The following ZNF667 variants were observed in gnomAD, a reference collection of about 807,000 sequenced individuals.
ZNF667 encodes myocardial ischemic preconditioning upregulated 1 ortholog.
ZNF667 carries 13 observed loss-of-function variants against 31.8 expected under a neutral mutation model. That is an observed-to-expected ratio of 0.41 (90% CI 0.27 to 0.65). The LOEUF is 0.65. ZNF667 is among the 30% of genes least tolerant of loss of function. The probability of loss-of-function intolerance (pLI) is 0.32; values close to 1 mark genes in which losing one functional copy is unlikely to be tolerated. For synonymous variants in ZNF667, 228 were observed against 247.1 expected, an observed-to-expected ratio of 0.92 and a Z score of 0.73; for missense variants, 642 against 725.6, an observed-to-expected ratio of 0.88 and a Z score of 1.32.
chr19:56,470,177 G>A (rs906208616), intron 3 of ZNF667: 1 of 379,380 alleles, frequency 2.6e-6, no homozygotes, highest in Non-Finnish European at 5.3e-6. Context: ...ATATCAGTCA[G>A]TGCTCCGTTA....
Position 56,440,640 on chromosome 19 carries a change from ATTTT to A in ZNF667, c.*518_*521del. 1 of 834,090 alleles carries A rather than the reference ATTTT, an allele frequency of 1.2e-6. No individual in the cohort carries two copies. Among genetic ancestry groups the A allele is most frequent in the Non-Finnish European group, 1.4e-6 (1 of 695,608 alleles). 51.7% of individuals were successfully genotyped at this position (834,090 alleles called of 1,614,324 possible). A position where few individuals can be genotyped will look rare whatever the true frequency, so the allele number is the denominator to read the frequency against. ...CTATGCTGGAAGTAAAATATCGGTA[ATTTT>A]TTTTTTTTTTGACACAGAGTCTTGC... On this transcript the variant is annotated 3_prime_UTR_variant, in exon 7 of 7. Coordinates refer to ENST00000504904, the MANE Select transcript of ZNF667 (RefSeq NM_001321356.2).
At chr19:56,443,303 A>T (rs938270370) in intron 6 of ZNF667, among the ~76,000 whole-genome samples, 1 of 152,224 alleles carries the variant, frequency 6.6e-6, no homozygotes, top group African/African-American at 2.4e-5. Context: ...TATTCTTAAG[A>T]TCAAATTTAA....
At chr19:56,448,427 G>A (rs2042750200) in intron 6 of ZNF667, among the ~76,000 whole-genome samples, 1 of 152,066 alleles carries the variant, frequency 6.6e-6, no homozygotes, top group South Asian at 2.1e-4. Flanking sequence ...GCAATTCCTG[G>A]GCAAATCCTA....
rs1290624836 is a variant in ZNF667 at position 56,477,333 on chromosome 19, C to G, written c.-723G>C. On this transcript the variant is annotated 5_prime_UTR_variant, in exon 1 of 7. Transcript: ENST00000504904. ...CCGAGACAGCCGAGCAGGGACTCAG[C>G]GCCTGCGCACTCCCCTCCGGGACCC... 2 of 152,194 alleles carry G rather than the reference C, an allele frequency of 1.3e-5. No individual in the cohort carries two copies. The highest frequency in any genetic ancestry group is 4.8e-5 in the African/African-American group (2 of 41,462). The allele number at this position is 152,194 out of a possible 1,614,324, so 9.4% of individuals were successfully genotyped here.
chr19:56,446,791 C>CT (rs2042718142), intron 6 of ZNF667, among the ~76,000 whole-genome samples: 1 of 152,076 alleles, frequency 6.6e-6, no homozygotes, highest in African/African-American at 2.4e-5. Flanking sequence ...ACAAGAAACC[C>CT]AAGATTCCTC....
intron 6 of ZNF667, among the ~76,000 whole-genome samples, chr19:56,454,557 A>G (rs948550440): frequency 1.3e-5 from 2 of 151,788 alleles, no homozygotes; most frequent in Admixed American, 6.6e-5. Context: ...TTCAACAAAG[A>G]TGTTACAAAT....
chr19:56,462,307 T>C, intron 4 of ZNF667, 31 bp downstream of exon 4: 1 of 1,613,774 alleles, frequency 6.2e-7, no homozygotes, highest in Middle Eastern at 1.7e-4. Context: ...CACGATGGGG[T>C]GTTCCGGAAG....
In ZNF667 at chr19:56,440,865, C is replaced by T. The variant is rs1192236650; in HGVS notation, c.*297G>A. On this transcript the variant is annotated 3_prime_UTR_variant, in exon 7 of 7. Coordinates refer to ENST00000504904, the MANE Select transcript of ZNF667 (RefSeq NM_001321356.2). ...GTCTCAAACTCTTGACCTCGTGATCCGCCTGTCTCAGCCTCCCAAAGTGCT... is the reference window on the plus strand; with the variant it reads ...GTCTCAAACTCTTGACCTCGTGATCTGCCTGTCTCAGCCTCCCAAAGTGCT... 1.3e-5 allele frequency: 14 copies of T among 1,087,186 alleles called. No homozygotes were observed. In the Admixed American group the frequency reaches 1.3e-4, roughly 10 times the overall value. 67.3% of individuals were successfully genotyped at this position (1,087,186 alleles called of 1,614,324 possible).
At chr19:56,451,181 A>C (rs1433903868) in intron 6 of ZNF667, among the ~76,000 whole-genome samples, 1 of 152,220 alleles carries the variant, frequency 6.6e-6, no homozygotes, top group East Asian at 1.9e-4. Flanking sequence ...AGGAGCAGCT[A>C]TATTTAGATA....
chr19:56,476,222 TTCCAAG>T (rs2043403434), intron 1 of ZNF667, among the ~76,000 whole-genome samples: 1 of 152,142 alleles, frequency 6.6e-6, no homozygotes, highest in South Asian at 2.1e-4. Flanking sequence ...GCTCTTATTT[TTCCAAG>T]CTACCTTGGT....
At position 56,442,653 on chromosome 19, in the gene ZNF667, T is replaced by G; in HGVS notation, c.342A>C (p.Ala114=). The change falls in exon 7 of 7, where the codon GCA becomes GCC. Residue 114 remains alanine (A), a synonymous_variant. Coordinates refer to ENST00000504904, the MANE Select transcript of ZNF667 (RefSeq NM_001321356.2). ...TCTTTCGTGTAGGAGCTTTTTGTTG[T>G]GCAGAAACTAGTTTCTGGCAGATGC... ...GQSICQKLVS[A]QQKAPTRKSG... is the part of the protein sequence containing the mutation. 1 of 1,613,600 alleles carries G rather than the reference T, an allele frequency of 6.2e-7. No individual in the cohort carries two copies. The highest frequency in any genetic ancestry group is 1.1e-5 in the South Asian group (1 of 91,036).
chr19:56,468,385 A>C (rs1252927060), intron 3 of ZNF667: 1 of 152,188 alleles, frequency 6.6e-6, no homozygotes. Context: ...TGTTCAGTGA[A>C]AGGCTCATCA....
At chr19:56,456,617 G>A (rs1358381175) in intron 6 of ZNF667, among the ~76,000 whole-genome samples, 1 of 152,102 alleles carries the variant, frequency 6.6e-6, no homozygotes, top group African/African-American at 2.4e-5. Flanking sequence ...TAGAAAACAG[G>A]CAAAAGCACT....
At chr19:56,468,564 C>A (rs1395757568) in intron 3 of ZNF667, 1 of 152,246 alleles carries the variant, frequency 6.6e-6, no homozygotes, top group Non-Finnish European at 1.5e-5. Context: ...TGTGCCCCGA[C>A]CACCTTGGGC....
chr19:56,474,394 CCA>C lies in ZNF667; in HGVS notation c.-661-272_-661-271del, dbSNP rs77329352. On this transcript the variant is annotated intron_variant, in intron 1 of 6. Coordinates refer to ENST00000504904, the MANE Select transcript of ZNF667 (RefSeq NM_001321356.2). ...CACTCCTGGCCTGAACCTGCCAGCC[CCA>C]GAGGCCAGGGACATACGTAGGCAAT... The C allele has an allele frequency of 2.6e-5, 4 of 152,412 alleles. No homozygotes were observed. In the East Asian group the frequency reaches 7.7e-4, roughly 29 times the overall value. The allele number at this position is 152,412 out of a possible 1,614,324, so 9.4% of individuals were successfully genotyped here.
chr19:56,471,410 C>G (rs1432556045), intron 3 of ZNF667, among the ~76,000 whole-genome samples: 1 of 152,196 alleles, frequency 6.6e-6, no homozygotes, highest in Non-Finnish European at 1.5e-5. Context: ...TGTCACCTGG[C>G]ATGGGGCTGA....
At chr19:56,450,016 T>C (rs10416345) in intron 6 of ZNF667, among the ~76,000 whole-genome samples, 58,436 of 151,382 alleles carry the variant, frequency 0.39, 11,897 homozygotes, top group Middle Eastern at 0.53. Context: ...TAGGAGTTAG[T>C]GGCTTAAAGA....
Position 56,457,819 on chromosome 19 carries a change from G to A in ZNF667, c.253+336C>T, listed in dbSNP as rs183561981. On this transcript the variant is annotated intron_variant, in intron 6 of 6. Coordinates refer to ENST00000504904, the MANE Select transcript of ZNF667 (RefSeq NM_001321356.2). ...CTATGTTGAAATTTTACCATCTAAG[G>A]TAATGGTATTAGGAGGTGGGGCCTT... 7.2e-5 allele frequency among the ~76,000 whole-genome samples: 11 copies of A among 152,294 alleles called. No homozygotes were observed. The East Asian group carries it at 2.1e-3, about 29-fold the overall frequency.
At position 56,442,370 on chromosome 19, in the gene ZNF667, A is replaced by C. The variant is rs759752199; in HGVS notation, c.625T>G (p.Phe209Val). The C allele has an allele frequency of 3.7e-6, 6 of 1,613,944 alleles. No homozygotes were observed. Among genetic ancestry groups the C allele is most frequent in the African/African-American group, 2.7e-5 (2 of 74,924 alleles). The change falls in exon 7 of 7, where the codon TTC (phenylalanine) becomes GTC (valine). Residue 209 changes from phenylalanine (F) to valine (V), a missense_variant. Coordinates refer to ENST00000504904, the MANE Select transcript of ZNF667 (RefSeq NM_001321356.2). Reference sequence around the variant, plus strand: ...AGAATAAGGGTTGTTCTTTGATTGAAGCTTTCCCCACATTTATTGCATTCA... The same window carrying C: ...AGAATAAGGGTTGTTCTTTGATTGACGCTTTCCCCACATTTATTGCATTCA... Reference protein sequence around the residue: ...SHECNKCGESFNQRTTLILHM... With the variant: ...SHECNKCGESVNQRTTLILHM...
Sources: gnomAD v4.1 joint callset for allele counts (sites outside exome capture counted in the v4.1 genomes callset) on GRCh38, gnomAD v4.1.1 for gene constraint, MANE v1.5 for transcripts, NCBI Gene and HGNC (gene_info 2026-07-23, HGNC 2026-07-21) for gene names.